Variants in PLAC9 observed in about 807,000 individuals in gnomAD.
PLAC9 encodes placenta-specific protein 9.
PLAC9 carries 12 observed loss-of-function variants against 11.5 expected under a neutral mutation model. The ratio of observed to expected loss-of-function variants is 1.05; its 90% CI spans 0.67 to 1.69. The LOEUF (loss-of-function observed/expected upper bound fraction) is 1.69. Among genes scored for constraint, PLAC9 ranks in the 40% most tolerant of loss-of-function variants. The pLI is 0.00. For missense variants in PLAC9, 132 were observed against 130.5 expected (o/e 1.01, Z -0.06); for synonymous variants, 62 against 58.1 (o/e 1.07, Z -0.31).
chr10:80,133,464 C>G (rs940694088), intron 1 of PLAC9, among the ~76,000 whole-genome samples: 1 of 152,210 alleles, frequency 6.6e-6, no homozygotes, highest in African/African-American at 2.4e-5. Context: ...CTTAAGGAAC[C>G]AGGCAGTCGG....
In PLAC9 at chr10:80,144,257, A is replaced by G. The variant is rs1845074115; in HGVS notation, c.197A>G (p.Glu66Gly). The G allele has an allele frequency of 6.2e-7, 1 of 1,613,894 alleles. No individual in the cohort carries two copies. Among genetic ancestry groups the G allele is most frequent in the Non-Finnish European group, 8.5e-7 (1 of 1,179,990 alleles). Residue 66 changes from glutamate to glycine, a missense_variant, in exon 3 of 4, where the codon GAG becomes GGG. Glu to Gly is a moderately conservative substitution (Grantham distance 98). Transcript: ENST00000372263. ...AAGACCGTGGATCACCTGGGGACAG[A>G]GGTGAAAGGCCTGCTGGGCCTGCTG... ...VEKTVDHLGTEVKGLLGLLEE... is the reference protein window; with the variant it reads ...VEKTVDHLGTGVKGLLGLLEE...
chr10:80,141,101 T>C (rs12570993), intron 1 of PLAC9, among the ~76,000 whole-genome samples: 25,058 of 151,992 alleles, frequency 0.16, 3,134 homozygotes, highest in African/African-American at 0.33. Flanking sequence ...TACTAACGGG[T>C]TCCCAGTGTC....
At chr10:80,137,480 G>T (rs1037439158) in intron 1 of PLAC9, among the ~76,000 whole-genome samples, 2 of 152,198 alleles carry the variant, frequency 1.3e-5, no homozygotes, top group African/African-American at 4.8e-5. Flanking sequence ...AGAGCCAGCA[G>T]GGGGGTATGT....
chr10:80,132,535 C>A (rs1844923954), upstream of PLAC9: 3 of 437,500 alleles, frequency 6.9e-6, no homozygotes, highest in Admixed American at 9.1e-5. Context: ...CCTCGGGAGG[C>A]GCCCAGGTGG....
intron 2 of PLAC9, 156 bp from the exon 3 acceptor site, chr10:80,144,067 G>A (rs1363705966): frequency 1.0e-6 from 1 of 959,552 alleles, no homozygotes; most frequent in East Asian, 2.4e-5. Context: ...GAGGCAGGTA[G>A]GGGCAGAGCC....
At chr10:80,144,119 C>T in intron 2 of PLAC9, 104 bp from the exon 3 acceptor site, 1 of 1,538,114 alleles carries the variant, frequency 6.5e-7, no homozygotes, top group Non-Finnish European at 9.0e-7. Flanking sequence ...CAGTCCTTTC[C>T]CACTGCACCG....
At chr10:80,139,337 G>T (rs1465423570) in intron 1 of PLAC9, among the ~76,000 whole-genome samples, 1 of 152,036 alleles carries the variant, frequency 6.6e-6, no homozygotes, top group East Asian at 1.9e-4. Flanking sequence ...CCAATTCATT[G>T]GCCCTCTTCT....
intron 1 of PLAC9, among the ~76,000 whole-genome samples, chr10:80,139,653 T>A (rs1845017635): frequency 6.6e-6 from 1 of 152,100 alleles, no homozygotes; most frequent in Non-Finnish European, 1.5e-5. Context: ...CCTTACCTAG[T>A]GGTGCACTGA....
chr10:80,141,093 C>T (rs948130476), intron 1 of PLAC9, among the ~76,000 whole-genome samples: 1 of 152,314 alleles, frequency 6.6e-6, no homozygotes, highest in African/African-American at 2.4e-5. Flanking sequence ...CCAGCTGTTA[C>T]TAACGGGTTC....
chr10:80,144,004 A>C, intron 2 of PLAC9: 1 of 583,612 alleles, frequency 1.7e-6, no homozygotes, highest in African/African-American at 1.9e-5. Flanking sequence ...AGTGCCAAAA[A>C]AGAAGGAGCC....
rs558105071 is a variant in PLAC9, at chr10:80,139,528, G to A, written c.65-2554G>A. Reference sequence around the variant, plus strand: ...ACCCAGACTGTGGAGCACTGCTGGGGGAGGACTCGTGCTTCCAGGATTCCT... The same window carrying A: ...ACCCAGACTGTGGAGCACTGCTGGGAGAGGACTCGTGCTTCCAGGATTCCT... On this transcript the variant is annotated intron_variant, in intron 1 of 3. Transcript: ENST00000372263. Among the ~76,000 whole-genome samples the A allele has an allele frequency of 3.3e-5, 5 of 152,278 alleles. No individual in the cohort carries two copies. In the South Asian group the frequency reaches 1.0e-3, roughly 32 times the overall value.
chr10:80,143,366 A>G (rs1363106191), intron 2 of PLAC9, among the ~76,000 whole-genome samples: 2 of 148,498 alleles, frequency 1.3e-5, no homozygotes, highest in Non-Finnish European at 3.0e-5. Context: ...GCTGGGCCAA[A>G]AAGTTTAATT....
chr10:80,132,167 T>G (rs2784765), upstream of PLAC9, among the ~76,000 whole-genome samples: 70,563 of 151,780 alleles, frequency 0.46, 18,666 homozygotes, highest in Non-Finnish European at 0.59. Context: ...CTTTTCTTTT[T>G]AAAATTACCT....
At chr10:80,143,415 T>TTTTTTTTTTTG in intron 2 of PLAC9, among the ~76,000 whole-genome samples, 1 of 70,214 alleles carries the variant, frequency 1.4e-5, no homozygotes, top group African/African-American at 4.9e-5. Context: ...TTTTTTTTTT[T>TTTTTTTTTTTG]GAGGCAGAGT....
intron 1 of PLAC9, among the ~76,000 whole-genome samples, chr10:80,133,947 A>G (rs548668095): frequency 2.0e-5 from 3 of 151,486 alleles, no homozygotes; most frequent in African/African-American, 7.2e-5. Context: ...CAGTTTCAAA[A>G]AAAAAAAAAA....
chr10:80,143,272 G>A (rs973318797), intron 2 of PLAC9, among the ~76,000 whole-genome samples: 1 of 150,732 alleles, frequency 6.6e-6, no homozygotes, highest in African/African-American at 2.4e-5. Context: ...TCACCATGTT[G>A]GCCAGGCTAG....
At chr10:80,133,860 C>T (rs944871027) in intron 1 of PLAC9, among the ~76,000 whole-genome samples, 1 of 150,378 alleles carries the variant, frequency 6.6e-6, no homozygotes, top group African/African-American at 2.4e-5. Context: ...AGGAGAATCA[C>T]TTGAACCTGG....
At chr10:80,131,921 C>T (rs1437682982), upstream of PLAC9, 1 of 152,266 alleles carries the variant, frequency 6.6e-6, no homozygotes, top group Admixed American at 6.5e-5. Context: ...GAGACACTCA[C>T]TCAGGGCTCT....
intron 1 of PLAC9, 105 bp downstream of exon 1, chr10:80,132,931 C>A (rs1589402038): frequency 1.1e-6 from 1 of 942,642 alleles, no homozygotes; most frequent in Non-Finnish European, 1.5e-6. Context: ...GACACAGCAG[C>A]GAGATGGACA....
Sources: gnomAD v4.1 joint callset for allele counts (sites outside exome capture counted in the v4.1 genomes callset) on GRCh38, gnomAD v4.1.1 for gene constraint, MANE v1.5 for transcripts, NCBI Gene and HGNC (gene_info 2026-07-23, HGNC 2026-07-21) for gene names.